FARP1: variants seen among roughly 807,000 people sequenced by gnomAD.
FARP1 encodes FERM, ARH/RhoGEF and pleckstrin domain protein 1, also known as FERM, ARHGEF and pleckstrin domain-containing protein 1.
A neutral mutation model predicts 128.8 loss-of-function variants in FARP1; 52 were observed. That is an observed-to-expected ratio of 0.40 (90% CI 0.32 to 0.51). The LOEUF is 0.51. FARP1 is among the 20% of genes least tolerant of loss of function. The pLI is 0.45. For synonymous variants in FARP1, 580 were observed against 551.8 expected, an observed-to-expected ratio of 1.05 and a Z score of -0.72; for missense variants, 1,333 against 1,367.9, an observed-to-expected ratio of 0.97 and a Z score of 0.40.
intron 1 of FARP1, among the ~76,000 whole-genome samples, chr13:98,193,964 C>A (rs1214506015): frequency 1.3e-5 from 2 of 152,002 alleles, no homozygotes; most frequent in African/African-American, 4.8e-5. Flanking sequence ...TTAATAGATT[C>A]TTTAGTTCAT....
At chr13:98,347,537 T>C (rs1414358965) in intron 3 of FARP1, among the ~76,000 whole-genome samples, 1 of 152,052 alleles carries the variant, frequency 6.6e-6, no homozygotes, top group Non-Finnish European at 1.5e-5. Context: ...CTCAGCATAA[T>C]GTTCATCTGT....
rs1210355277 is a variant in FARP1 at position 98,378,995 on chromosome 13, TA to T, written c.496+1079del. The stretch of plus-strand genomic sequence containing the variant: ...ATATAATCTATATATAATATATATA[TA>T]ATATATACAATATATAATCTATATA... On this transcript the variant is annotated intron_variant, in intron 6 of 26. Coordinates refer to ENST00000319562, the MANE Select transcript of FARP1 (RefSeq NM_005766.4). Among the ~76,000 whole-genome samples, 11 of 84,416 alleles carry T rather than the reference TA, an allele frequency of 1.3e-4. 2 individuals carry two copies. Among genetic ancestry groups the T allele is most frequent in the African/African-American group, 7.9e-4 (11 of 13,882 alleles). The allele number at this position is 84,416 out of a possible 152,430, so 55.4% of individuals were successfully genotyped here.
chr13:98,368,817 A>G (rs1198584853), intron 5 of FARP1, among the ~76,000 whole-genome samples: 1 of 152,152 alleles, frequency 6.6e-6, no homozygotes, highest in East Asian at 1.9e-4. Context: ...GGTAACTATC[A>G]ACACCACCAT....
intron 1 of FARP1, among the ~76,000 whole-genome samples, chr13:98,163,211 C>T (rs557407477): frequency 3.9e-5 from 6 of 152,206 alleles, no homozygotes; most frequent in South Asian, 2.1e-4. Flanking sequence ...AGCAAACTAA[C>T]GCAGGAACAG....
chr13:98,171,259 C>A (rs1401619253), intron 1 of FARP1, among the ~76,000 whole-genome samples: 5 of 152,182 alleles, frequency 3.3e-5, no homozygotes, highest in African/African-American at 1.2e-4. Flanking sequence ...GGTTCAATGT[C>A]CTTGGGTAAT....
intron 26 of FARP1, 192 bp from the exon 27 acceptor site, chr13:98,448,044 G>C (rs1422260615): frequency 2.1e-5 from 13 of 607,738 alleles, no homozygotes; most frequent in Non-Finnish European, 3.9e-5. Flanking sequence ...CTGAGTGAGT[G>C]CCCAGGCCAG....
intron 2 of FARP1, among the ~76,000 whole-genome samples, chr13:98,276,465 T>C (rs1170491834): frequency 1.3e-5 from 2 of 152,152 alleles, no homozygotes; most frequent in Admixed American, 6.5e-5. Context: ...TAAGACTTGA[T>C]TACAAAAGCT....
In FARP1 at chr13:98,388,782, A is replaced by T. The variant is rs144488608; in HGVS notation, c.855+304A>T. On this transcript the variant is annotated intron_variant, in intron 9 of 26. Coordinates refer to ENST00000319562, the MANE Select transcript of FARP1 (RefSeq NM_005766.4). ...CCTGATAAACAACCTGAGCTGTGCT[A>T]TTGCTGTGCATCCAGCCCCAGGCTA... Among the ~76,000 whole-genome samples, 192 of 152,280 alleles carry T rather than the reference A, an allele frequency of 1.3e-3. 1 individual carries two copies. In the Middle Eastern group the frequency reaches 0.027, roughly 22 times the overall value.
chr13:98,176,947 G>A lies in FARP1; in HGVS notation c.-24+33455G>A, dbSNP rs745521093. 16 of 1,602,286 alleles carry A rather than the reference G, an allele frequency of 1.0e-5. No individual in the cohort carries two copies. The highest frequency in any genetic ancestry group is 1.7e-5 in the Admixed American group (1 of 59,992). ...TGGCCCCACAGGCTTCGCCGAGCGG[G>A]TGGACCTGTACACCACGTCGAGGCT... On this transcript the variant is annotated intron_variant, in intron 1 of 26. Coordinates refer to ENST00000319562, the MANE Select transcript of FARP1 (RefSeq NM_005766.4). The surrounding 1 kb of genome is among the most constrained non-coding windows in gnomAD (Gnocchi z 6.2).
rs368234251 is a variant in FARP1, at chr13:98,409,549, C to T, written c.1602+24C>T. On this transcript the variant is annotated intron_variant, in intron 14 of 26. Transcript: ENST00000319562. The stretch of plus-strand genomic sequence containing the variant: ...AGGTACAGGGCCGAGGGCTCAAGCG[C>T]GTGTGTGGCTGTGTGTGCACGTGTG... The T allele has an allele frequency of 2.8e-5, 44 of 1,567,210 alleles. No individual in the cohort carries two copies. In the African/African-American group the frequency reaches 3.5e-4, roughly 13 times the overall value.
chr13:98,238,750 C>T (rs983152444), intron 2 of FARP1, among the ~76,000 whole-genome samples: 1 of 152,150 alleles, frequency 6.6e-6, no homozygotes, highest in Non-Finnish European at 1.5e-5. Context: ...ATGGGAACTA[C>T]AATTCGAGAT....
chr13:98,311,987 G>A (rs1886481273), intron 2 of FARP1, among the ~76,000 whole-genome samples: 1 of 151,548 alleles, frequency 6.6e-6, no homozygotes, highest in South Asian at 2.1e-4. Context: ...GGGATTATAG[G>A]CACCTACCAC....
chr13:98,435,081 G>A (rs532443623), intron 18 of FARP1: 2 of 153,270 alleles, frequency 1.3e-5, no homozygotes, highest in East Asian at 3.8e-4. Flanking sequence ...ACACAAGACA[G>A]AACTGGGGTG....
intron 2 of FARP1, among the ~76,000 whole-genome samples, chr13:98,301,712 A>T (rs1885933220): frequency 6.6e-6 from 1 of 152,214 alleles, no homozygotes; most frequent in African/African-American, 2.4e-5. Flanking sequence ...CAAGTCCCCA[A>T]AATGGTAGTA....
At chr13:98,269,283 C>T (rs1230299815) in intron 2 of FARP1, among the ~76,000 whole-genome samples, 1 of 152,210 alleles carries the variant, frequency 6.6e-6, no homozygotes, top group East Asian at 1.9e-4. Context: ...TTTTGATGCT[C>T]TTTCATTATC....
chr13:98,144,383 C>T (rs1318246635), intron 1 of FARP1, among the ~76,000 whole-genome samples: 2 of 152,162 alleles, frequency 1.3e-5, no homozygotes, highest in South Asian at 2.1e-4. Context: ...CTGATCAGTT[C>T]GTGGAGACGT....
intron 13 of FARP1, 168 bp downstream of exon 13, chr13:98,395,644 G>A (rs1431620505): frequency 1.5e-5 from 12 of 808,550 alleles, no homozygotes; most frequent in Non-Finnish European, 2.2e-5. Context: ...TCTGACCAGC[G>A]GTGTCTATCT....
intron 2 of FARP1, among the ~76,000 whole-genome samples, chr13:98,229,555 C>G (rs1342122682): frequency 2.0e-5 from 3 of 151,654 alleles, no homozygotes; most frequent in African/African-American, 7.3e-5. Context: ...AGAGCAAGTG[C>G]AGTGGTGCCG....
intron 2 of FARP1, among the ~76,000 whole-genome samples, chr13:98,284,043 T>C (rs568974861): frequency 8.3e-4 from 126 of 152,360 alleles, no homozygotes; most frequent in South Asian, 2.1e-3. Flanking sequence ...AATAGCCTCA[T>C]GTGGCTGGTG....
Sources: gnomAD v4.1 joint callset for allele counts (sites outside exome capture counted in the v4.1 genomes callset) on GRCh38, gnomAD v4.1.1 for gene constraint, Gnocchi (gnomAD v3.1) non-coding constraint, MANE v1.5 for transcripts, NCBI Gene and HGNC (gene_info 2026-07-23, HGNC 2026-07-21) for gene names.